PDSS2: variants seen among roughly 807,000 people sequenced by gnomAD.
The protein encoded by PDSS2 is decaprenyl diphosphate synthase subunit 2.
In PDSS2, 31 loss-of-function variants were observed where a neutral mutation model predicts 44.5. The observed-to-expected ratio is 0.70, with a 90% CI of 0.52 to 0.94. PDSS2 has a LOEUF of 0.94. Ranked by LOEUF, PDSS2 falls within the 40% of genes least tolerant of loss-of-function variation. The pLI, the probability that PDSS2 is intolerant of heterozygous loss-of-function variation, is 0.00. For synonymous variants in PDSS2, 157 were observed against 180.3 expected (o/e 0.87, Z 1.03); for missense variants, 452 against 482.2 (o/e 0.94, Z 0.59).
chr6:107,374,010 T>G (rs1456807287), intron 1 of PDSS2, among the ~76,000 whole-genome samples: 1 of 152,098 alleles, frequency 6.6e-6, no homozygotes, highest in Non-Finnish European at 1.5e-5. Flanking sequence ...TCTCAGAACT[T>G]TGGGAGGCCG....
At chr6:107,377,048 T>C (rs1366793934) in intron 1 of PDSS2, among the ~76,000 whole-genome samples, 1 of 149,556 alleles carries the variant, frequency 6.7e-6, no homozygotes, top group Admixed American at 6.7e-5. Flanking sequence ...GGGATCTAAT[T>C]AAACTAAAGA....
intron 1 of PDSS2, among the ~76,000 whole-genome samples, chr6:107,352,373 C>T (rs1778458621): frequency 6.6e-6 from 1 of 152,150 alleles, no homozygotes; most frequent in African/African-American, 2.4e-5. Flanking sequence ...GACTTCCTCC[C>T]ATTTTTTATA....
At chr6:107,407,529 A>C (rs1780357898) in intron 1 of PDSS2, among the ~76,000 whole-genome samples, 1 of 152,224 alleles carries the variant, frequency 6.6e-6, no homozygotes, top group South Asian at 2.1e-4. Context: ...GCCACTTACC[A>C]ACTTGTTAGC....
At chr6:107,352,764 T>C (rs1778472411) in intron 1 of PDSS2, among the ~76,000 whole-genome samples, 1 of 152,188 alleles carries the variant, frequency 6.6e-6, no homozygotes, top group Admixed American at 6.5e-5. Flanking sequence ...AAAAGAGATA[T>C]TTTTGGTTGC....
At chr6:107,402,628 T>C (rs1185325980) in intron 1 of PDSS2, among the ~76,000 whole-genome samples, 2 of 148,522 alleles carry the variant, frequency 1.3e-5, no homozygotes, top group Admixed American at 6.7e-5. Flanking sequence ...GGCCTCACAA[T>C]CATGGCAGAA....
chr6:107,195,767 C>A (rs1038312857), intron 6 of PDSS2, among the ~76,000 whole-genome samples: 1 of 152,138 alleles, frequency 6.6e-6, no homozygotes, highest in African/African-American at 2.4e-5. Flanking sequence ...GCCATGTTGG[C>A]CAGGCTGGTC....
In PDSS2 at chr6:107,433,259, G is replaced by GAA. The variant is rs35444996; in HGVS notation, c.296+25729_296+25730dup. 2.7e-3 allele frequency among the ~76,000 whole-genome samples: 390 copies of GAA among 146,188 alleles called. 3 individuals are homozygous for GAA. Among genetic ancestry groups the GAA allele is most frequent in the African/African-American group, 6.0e-3 (239 of 39,914 alleles). ...CAATGCAACATTCTTCACAGAAACAGAAAAAAAAAAACCCTAAAATTTATA... is the reference window on the plus strand; with the variant it reads ...CAATGCAACATTCTTCACAGAAACAGAAAAAAAAAAAAACCCTAAAATTTATA... On this transcript the variant is annotated intron_variant, in intron 1 of 7. Coordinates refer to ENST00000369037, the MANE Select transcript of PDSS2 (RefSeq NM_020381.4).
chr6:107,227,794 G>A (rs1216858842), intron 4 of PDSS2, among the ~76,000 whole-genome samples: 1 of 152,174 alleles, frequency 6.6e-6, no homozygotes, highest in African/African-American at 2.4e-5. Flanking sequence ...AGAGAACAAT[G>A]GGATGGCTTC....
intron 7 of PDSS2, among the ~76,000 whole-genome samples, chr6:107,160,199 CAGTGCGACTCTGTCTCAAAAAA>C (rs1554246486): frequency 1.3e-5 from 2 of 152,038 alleles, no homozygotes; most frequent in East Asian, 3.9e-4. Flanking sequence ...CTGGGGGCTG[CAGTGCGACTCTGTCTCAAAAAA>C]CAAACAAAAC....
intron 2 of PDSS2, among the ~76,000 whole-genome samples, chr6:107,294,006 C>T (rs532525607): frequency 2.0e-5 from 3 of 152,088 alleles, no homozygotes; most frequent in Non-Finnish European, 4.4e-5. Context: ...CTTTAGAGAG[C>T]AAGCAGGGGT....
At chr6:107,440,042 T>TA (rs1781469274) in intron 1 of PDSS2, among the ~76,000 whole-genome samples, 1 of 152,104 alleles carries the variant, frequency 6.6e-6, no homozygotes. Context: ...ACAGTGGCTA[T>TA]ACATGTGCTC....
intron 1 of PDSS2, among the ~76,000 whole-genome samples, chr6:107,445,565 T>C (rs1781644242): frequency 6.6e-6 from 1 of 152,212 alleles, no homozygotes; most frequent in South Asian, 2.1e-4. Context: ...ATAAATAGCC[T>C]CACATCAATC....
intron 6 of PDSS2, among the ~76,000 whole-genome samples, chr6:107,209,296 A>G (rs575723359): frequency 6.6e-6 from 1 of 152,140 alleles, no homozygotes; most frequent in Non-Finnish European, 1.5e-5. Context: ...TATTCTGGGC[A>G]CTTAGATCCT....
chr6:107,375,047 TTGAA>T (rs1444346291), intron 1 of PDSS2, among the ~76,000 whole-genome samples: 2 of 151,932 alleles, frequency 1.3e-5, no homozygotes, highest in Non-Finnish European at 2.9e-5. Context: ...ATGTTATAAA[TTGAA>T]TGAAAGTAAA....
rs987778725 is a variant in PDSS2 at position 107,223,311 on chromosome 6, C to T, written c.703-11029G>A. Among the ~76,000 whole-genome samples, 3 of 150,906 alleles carry T rather than the reference C, an allele frequency of 2.0e-5. 1 individual carries two copies. Among genetic ancestry groups the T allele is most frequent in the African/African-American group, 7.4e-5 (3 of 40,420 alleles). On this transcript the variant is annotated intron_variant, in intron 4 of 7. Transcript: ENST00000369037. ...TTGGGAGGCCGAGGTGGGCAGATCACCTGAGCTCAGGAGTTTGAGACCAGC... is the reference window on the plus strand; with the variant it reads ...TTGGGAGGCCGAGGTGGGCAGATCATCTGAGCTCAGGAGTTTGAGACCAGC...
chr6:107,190,954 T>G (rs1048236213), intron 7 of PDSS2, among the ~76,000 whole-genome samples: 6 of 152,024 alleles, frequency 3.9e-5, no homozygotes, highest in Admixed American at 1.3e-4. Context: ...TGCAGTGGCG[T>G]GATCTCGGCT....
chr6:107,270,372 A>G (rs1246465185), intron 3 of PDSS2, among the ~76,000 whole-genome samples: 1 of 152,010 alleles, frequency 6.6e-6, no homozygotes, highest in Admixed American at 6.6e-5. Context: ...TCAGCCTCCG[A>G]AAGTGCTGGG....
intron 3 of PDSS2, among the ~76,000 whole-genome samples, chr6:107,261,972 G>A (rs1431773902): frequency 2.2e-5 from 3 of 137,754 alleles, no homozygotes; most frequent in Non-Finnish European, 4.6e-5. Context: ...GCAGTGGTGC[G>A]ATCTTGGCTC....
At chr6:107,412,994 T>C (rs1009367719) in intron 1 of PDSS2, among the ~76,000 whole-genome samples, 1 of 152,228 alleles carries the variant, frequency 6.6e-6, no homozygotes, top group Non-Finnish European at 1.5e-5. Flanking sequence ...TGAATTTTAA[T>C]TTCTGCCCTA....
Sources: allele counts gnomAD v4.1 joint callset (sites outside exome capture counted in the v4.1 genomes callset), GRCh38; gene constraint gnomAD v4.1.1; transcripts MANE v1.5; gene names NCBI Gene and HGNC (gene_info 2026-07-23, HGNC 2026-07-21).